COL23A1: variants seen among roughly 807,000 people sequenced by gnomAD.
COL23A1 encodes collagen type XXIII alpha 1 chain.
A neutral mutation model predicts 99.3 loss-of-function variants in COL23A1; 97 were observed. That is an observed-to-expected ratio of 0.98 (90% CI 0.83 to 1.16). The LOEUF is 1.16. COL23A1 is among the 50% of genes most tolerant of loss of function. COL23A1 has a pLI of 0.00. For synonymous variants in COL23A1, 320 were observed against 308.2 expected, an observed-to-expected ratio of 1.04 and a Z score of -0.40; for missense variants, 762 against 757.4, an observed-to-expected ratio of 1.01 and a Z score of -0.07.
chr5:178,416,650 T>G (rs778777183), intron 2 of COL23A1, among the ~76,000 whole-genome samples: 2 of 152,242 alleles, frequency 1.3e-5, no homozygotes, highest in African/African-American at 4.8e-5. Context: ...CTTAATCGTT[T>G]CAAGCCGGTA....
chr5:178,532,893 CCCGA>C (rs1426707351), intron 2 of COL23A1, among the ~76,000 whole-genome samples: 9 of 152,180 alleles, frequency 5.9e-5, no homozygotes, highest in Non-Finnish European at 1.2e-4. Flanking sequence ...CTCGCCAGAA[CCCGA>C]CCACGCTGGC....
chr5:178,582,327 G>A (rs956641939), intron 1 of COL23A1, among the ~76,000 whole-genome samples: 2 of 152,120 alleles, frequency 1.3e-5, no homozygotes, highest in African/African-American at 4.8e-5. Context: ...AGCAGGAGCT[G>A]GAGCGCTAAT....
rs148181429 is a variant in COL23A1, at chr5:178,470,821, C to T, written c.361+89861G>A. The stretch of plus-strand genomic sequence containing the variant: ...GGAGCCCACCGCCTCCAGGGCCCCA[C>T]TGAGCGGCCGTTCATGCTGAGAGCT... On this transcript the variant is annotated intron_variant, in intron 2 of 28. Coordinates refer to ENST00000390654, the MANE Select transcript of COL23A1 (RefSeq NM_173465.4). Among the ~76,000 whole-genome samples, 133 of 152,368 alleles carry T rather than the reference C, an allele frequency of 8.7e-4. 4 individuals are homozygous for T. The East Asian group carries it at 0.024, about 27-fold the overall frequency.
chr5:178,514,282 T>A (rs935654048), intron 2 of COL23A1, among the ~76,000 whole-genome samples: 10 of 152,226 alleles, frequency 6.6e-5, no homozygotes, highest in African/African-American at 1.4e-4. Context: ...TGTCTGAATA[T>A]CCTGTAGCAC....
chr5:178,490,228 A>AAAAAAAC (rs776252605), intron 2 of COL23A1, among the ~76,000 whole-genome samples: 1 of 152,106 alleles, frequency 6.6e-6, no homozygotes, highest in South Asian at 2.1e-4. Flanking sequence ...TTCCATCTCA[A>AAAAAAAC]AAAAAACAAA....
chr5:178,393,525 T>C (rs1218952300), intron 2 of COL23A1, among the ~76,000 whole-genome samples: 1 of 152,238 alleles, frequency 6.6e-6, no homozygotes, highest in Non-Finnish European at 1.5e-5. Flanking sequence ...GTACATTTTA[T>C]GTTATGTATG....
chr5:178,358,260 ATATGTG>A (rs763094480), intron 2 of COL23A1, among the ~76,000 whole-genome samples: 16 of 119,468 alleles, frequency 1.3e-4, no homozygotes, highest in African/African-American at 4.3e-4. Context: ...GTGTGTATGT[ATATGTG>A]TGTATATGTG....
rs556404781 is a variant in COL23A1, at chr5:178,302,997, CTGTT to C, written c.406+3874_406+3877del. On this transcript the variant is annotated intron_variant, in intron 3 of 28. Coordinates refer to ENST00000390654, the MANE Select transcript of COL23A1 (RefSeq NM_173465.4). The stretch of plus-strand genomic sequence containing the variant: ...AACAAGTACTGTGGTTGTGACACTG[CTGTT>C]TGTTTGTTTGTTTTTTCCTGACAGA... Among the ~76,000 whole-genome samples the C allele has an allele frequency of 2.4e-3, 362 of 152,276 alleles. 2 individuals are homozygous for C. The highest frequency in any genetic ancestry group is 0.01 in the Middle Eastern group (3 of 294).
At chr5:178,537,275 C>A (rs1051686270) in intron 2 of COL23A1, among the ~76,000 whole-genome samples, 1 of 152,174 alleles carries the variant, frequency 6.6e-6, no homozygotes, top group Non-Finnish European at 1.5e-5. Flanking sequence ...CCCTCCCTGC[C>A]GCACCCTCAG....
rs77907004 is a variant in COL23A1 at position 178,255,472 on chromosome 5, C to T, written c.883-446G>A. On this transcript the variant is annotated intron_variant, in intron 15 of 28. Transcript: ENST00000390654. This position sits in a 1 kb window ranked among gnomAD's most constrained non-coding sequence, Gnocchi z 4.2. ...CGCCAAGCACCCACACGCCTATTCCCGCCTGGTTACAGGTGCATGTCAGCA... is the reference window on the plus strand; with the variant it reads ...CGCCAAGCACCCACACGCCTATTCCTGCCTGGTTACAGGTGCATGTCAGCA... 0.017 allele frequency among the ~76,000 whole-genome samples: 2,589 copies of T among 152,036 alleles called. 77 individuals carry two copies. The highest frequency in any genetic ancestry group is 0.059 in the African/African-American group (2,429 of 41,382).
At chr5:178,451,816 T>G (rs1401268019) in intron 2 of COL23A1, among the ~76,000 whole-genome samples, 3 of 152,086 alleles carry the variant, frequency 2.0e-5, no homozygotes, top group African/African-American at 7.2e-5. Flanking sequence ...AATTTAAGAC[T>G]TATAATATCT....
intron 28 of COL23A1, 76 bp from the exon 29 acceptor site, chr5:178,238,776 C>T: frequency 6.4e-7 from 1 of 1,572,026 alleles, no homozygotes. Context: ...CCTTGCCTGG[C>T]CTCCCCGGTC....
At chr5:178,238,728 G>C (rs774759018) in intron 28 of COL23A1, 28 bp from the exon 29 acceptor site, 21 of 1,612,064 alleles carry the variant, frequency 1.3e-5, no homozygotes, top group Non-Finnish European at 1.4e-5. Context: ...GACTGAAGGT[G>C]ACGAGGAGCC....
At chr5:178,379,361 C>T (rs529872463) in intron 2 of COL23A1, among the ~76,000 whole-genome samples, 2 of 152,244 alleles carry the variant, frequency 1.3e-5, no homozygotes, top group East Asian at 1.9e-4. Context: ...AAACTCTCTA[C>T]GTGCACTGTG....
At chr5:178,358,427 ATG>A (rs1286909422) in intron 2 of COL23A1, among the ~76,000 whole-genome samples, 16 of 117,936 alleles carry the variant, frequency 1.4e-4, no homozygotes, top group Admixed American at 3.4e-4. Context: ...ATGTGTGTGT[ATG>A]TGTATGTGTG....
intron 5 of COL23A1, among the ~76,000 whole-genome samples, chr5:178,279,283 T>G (rs1329138675): frequency 1.3e-5 from 2 of 152,254 alleles, no homozygotes; most frequent in South Asian, 4.1e-4. Context: ...CCCGCCAGTT[T>G]CTCACTTATG....
chr5:178,430,658 A>G (rs889493969), intron 2 of COL23A1, among the ~76,000 whole-genome samples: 1 of 152,162 alleles, frequency 6.6e-6, no homozygotes, highest in African/African-American at 2.4e-5. Context: ...GGAAACTAAC[A>G]AAGTTGGATG....
At chr5:178,317,168 GC>G (rs986158562) in intron 2 of COL23A1, among the ~76,000 whole-genome samples, 4 of 152,126 alleles carry the variant, frequency 2.6e-5, no homozygotes, top group Non-Finnish European at 5.9e-5. Flanking sequence ...TATTCTCTCT[GC>G]CTGCTTCCCC....
chr5:178,579,524 G>A (rs1334042397), intron 1 of COL23A1, among the ~76,000 whole-genome samples: 1 of 152,100 alleles, frequency 6.6e-6, no homozygotes, highest in African/African-American at 2.4e-5. Flanking sequence ...CGAGATCTCG[G>A]CTCACTACAA....
Sources: gnomAD v4.1 joint callset for allele counts (sites outside exome capture counted in the v4.1 genomes callset) on GRCh38, gnomAD v4.1.1 for gene constraint, Gnocchi (gnomAD v3.1) non-coding constraint, MANE v1.5 for transcripts, NCBI Gene and HGNC (gene_info 2026-07-23, HGNC 2026-07-21) for gene names.